Variants in ST6GAL2 observed in about 807,000 individuals in gnomAD.
ST6GAL2 encodes ST6 beta-galactoside alpha-2,6-sialyltransferase 2.
Under a neutral mutation model 37.5 loss-of-function variants are expected in ST6GAL2, and 24 were observed. The ratio of observed to expected loss-of-function variants is 0.64; its 90% CI spans 0.46 to 0.90. The LOEUF (loss-of-function observed/expected upper bound fraction) is 0.90, where lower values mean the gene tolerates loss of function less well. Ranked by LOEUF, ST6GAL2 falls within the 40% of genes least tolerant of loss-of-function variation. The pLI is 0.00. For missense variants in ST6GAL2, 715 were observed against 712.7 expected (o/e 1.00, Z -0.04); for synonymous variants, 306 against 295.1 (o/e 1.04, Z -0.38).
intron 1 of ST6GAL2, among the ~76,000 whole-genome samples, chr2:106,874,727 C>G (rs1189872573): frequency 6.6e-6 from 1 of 152,184 alleles, no homozygotes; most frequent in Non-Finnish European, 1.5e-5. Context: ...AAACACTTCA[C>G]CCTCTAGAAA....
chr2:106,839,268 C>G (rs996390613), intron 2 of ST6GAL2, among the ~76,000 whole-genome samples: 1 of 152,072 alleles, frequency 6.6e-6, no homozygotes, highest in African/African-American at 2.4e-5. Flanking sequence ...CTGTTTCTCA[C>G]TTCCATATGA....
chr2:106,810,577 G>C (rs1375021618), intron 5 of ST6GAL2, among the ~76,000 whole-genome samples: 3 of 152,174 alleles, frequency 2.0e-5, no homozygotes, highest in Admixed American at 6.5e-5. Flanking sequence ...TGAGTGTTTA[G>C]GCGGCAGCCA....
At chr2:106,822,697 G>A (rs532541957) in intron 5 of ST6GAL2, among the ~76,000 whole-genome samples, 1 of 152,138 alleles carries the variant, frequency 6.6e-6, no homozygotes, top group South Asian at 2.1e-4. Flanking sequence ...ATGACCCAGA[G>A]TAGCCAAAAC....
chr2:106,846,181 G>A (rs1677137320), intron 1 of ST6GAL2, among the ~76,000 whole-genome samples: 1 of 152,224 alleles, frequency 6.6e-6, no homozygotes, highest in Non-Finnish European at 1.5e-5. Flanking sequence ...AGACCGGATA[G>A]GAGAGCCGGT....
Position 106,805,917 on chromosome 2 carries a change from G to C in ST6GAL2, c.*761C>G, listed in dbSNP as rs1309175682. ...GCAGCCCTGTGATTCTATGTTACTT[G>C]CCAGTGATGTGCCTCCTGGTGGATG... On this transcript the variant is annotated 3_prime_UTR_variant, in exon 6 of 6. Coordinates refer to ENST00000409382, the MANE Select transcript of ST6GAL2 (RefSeq NM_001142351.2). 6.6e-6 allele frequency: 1 copy of C among 152,370 alleles called. No individual in the cohort carries two copies. Among genetic ancestry groups the C allele is most frequent in the Non-Finnish European group, 1.5e-5 (1 of 68,168 alleles). The allele number at this position is 152,370 out of a possible 1,614,324, so 9.4% of individuals were successfully genotyped here. A position where few individuals can be genotyped will look rare whatever the true frequency, so the allele number is the denominator to read the frequency against.
chr2:106,868,265 C>T (rs1159089418), intron 1 of ST6GAL2, among the ~76,000 whole-genome samples: 2 of 151,950 alleles, frequency 1.3e-5, no homozygotes, highest in African/African-American at 4.8e-5. Context: ...TTTGTTAAAA[C>T]AGAAGGAAAA....
At chr2:106,817,542 G>A (rs1394161115) in intron 5 of ST6GAL2, among the ~76,000 whole-genome samples, 2 of 152,230 alleles carry the variant, frequency 1.3e-5, no homozygotes, top group African/African-American at 4.8e-5. Context: ...CTAAAGAGCT[G>A]CTGGGTCTTG....
chr2:106,883,150 C>G (rs1416270844), intron 1 of ST6GAL2, among the ~76,000 whole-genome samples: 3 of 152,106 alleles, frequency 2.0e-5, no homozygotes, highest in Non-Finnish European at 4.4e-5. Context: ...CACCTGTGGA[C>G]TAGGTAGATG....
chr2:106,858,292 C>G (rs1053814381), intron 1 of ST6GAL2, among the ~76,000 whole-genome samples: 5 of 152,162 alleles, frequency 3.3e-5, no homozygotes, highest in African/African-American at 9.7e-5. Context: ...TCAAAAAGAA[C>G]TTCTCCTGCA....
At chr2:106,856,513 C>T (rs1677581695) in intron 1 of ST6GAL2, among the ~76,000 whole-genome samples, 1 of 152,218 alleles carries the variant, frequency 6.6e-6, no homozygotes, top group Non-Finnish European at 1.5e-5. Context: ...CTTCACCTGG[C>T]TTTTTCACTA....
intron 1 of ST6GAL2, among the ~76,000 whole-genome samples, chr2:106,846,976 CA>C (rs1272875993): frequency 1.3e-5 from 2 of 152,170 alleles, no homozygotes; most frequent in African/African-American, 2.4e-5. Context: ...TAGCAAGCAG[CA>C]GATATTACAT....
At chr2:106,884,015 G>T (rs1326797958) in intron 1 of ST6GAL2, among the ~76,000 whole-genome samples, 1 of 152,154 alleles carries the variant, frequency 6.6e-6, no homozygotes, top group African/African-American at 2.4e-5. Context: ...TTTGAGAAAT[G>T]CTTGGATAAA....
intron 1 of ST6GAL2, among the ~76,000 whole-genome samples, chr2:106,859,816 A>G (rs890269572): frequency 6.6e-6 from 1 of 151,934 alleles, no homozygotes; most frequent in African/African-American, 2.4e-5. Context: ...ACACTTTTCA[A>G]ATGGAACTTT....
At chr2:106,848,849 T>G (rs1041776921) in intron 1 of ST6GAL2, among the ~76,000 whole-genome samples, 1 of 152,252 alleles carries the variant, frequency 6.6e-6, no homozygotes, top group African/African-American at 2.4e-5. Flanking sequence ...TCTGCCTTTT[T>G]GTTCCTGCAA....
At chr2:106,842,939 C>A in intron 2 of ST6GAL2, 96 bp downstream of exon 2, 1 of 919,480 alleles carries the variant, frequency 1.1e-6, no homozygotes, top group South Asian at 3.7e-5. Flanking sequence ...CCCCAGCTTG[C>A]CCCGTCAGAG....
intron 5 of ST6GAL2, among the ~76,000 whole-genome samples, chr2:106,808,657 A>G (rs1216388607): frequency 2.0e-5 from 3 of 152,194 alleles, no homozygotes; most frequent in Admixed American, 6.5e-5. Context: ...GTCTGCACCC[A>G]TGGAGAAACA....
At chr2:106,883,545 T>A (rs1214351038) in intron 1 of ST6GAL2, among the ~76,000 whole-genome samples, 1 of 152,178 alleles carries the variant, frequency 6.6e-6, no homozygotes, top group African/African-American at 2.4e-5. Context: ...ATGCAATTGT[T>A]ACTTTTATAG....
At chr2:106,881,115 A>G (rs1256730420) in intron 1 of ST6GAL2, among the ~76,000 whole-genome samples, 1 of 152,148 alleles carries the variant, frequency 6.6e-6, no homozygotes, top group African/African-American at 2.4e-5. Flanking sequence ...CCTCCTGAGT[A>G]GCTGGGACTA....
intron 1 of ST6GAL2, among the ~76,000 whole-genome samples, chr2:106,863,644 T>C (rs1573299482): frequency 6.6e-6 from 1 of 152,144 alleles, no homozygotes; most frequent in East Asian, 1.9e-4. Context: ...ATCCGGGTCC[T>C]CCGTTTGCTA....
Sources: allele counts gnomAD v4.1 joint callset (sites outside exome capture counted in the v4.1 genomes callset), GRCh38; gene constraint gnomAD v4.1.1; transcripts MANE v1.5; gene names NCBI Gene and HGNC (gene_info 2026-07-23, HGNC 2026-07-21).